The following STAU2 variants were observed in gnomAD, a reference collection of about 807,000 sequenced individuals.
STAU2 encodes the protein double-stranded RNA-binding protein Staufen homolog 2.
A neutral mutation model predicts 65.9 loss-of-function variants in STAU2; 20 were observed. That is an observed-to-expected ratio of 0.30 (90% CI 0.21 to 0.44). STAU2 has a LOEUF of 0.44. STAU2 is among the 20% of genes least tolerant of loss of function. The probability of loss-of-function intolerance (pLI) is 1.00; values close to 1 mark genes in which losing one functional copy is unlikely to be tolerated. For synonymous variants in STAU2, 232 were observed against 233.9 expected (o/e 0.99, Z 0.07); for missense variants, 558 against 683.9 (o/e 0.82, Z 2.05).
intron 13 of STAU2, among the ~76,000 whole-genome samples, chr8:73,501,186 A>C (rs1395877828): frequency 6.6e-6 from 1 of 151,730 alleles, no homozygotes; most frequent in Non-Finnish European, 1.5e-5. Context: ...TTCCTACTTA[A>C]AAAAAAACTG....
intron 13 of STAU2, among the ~76,000 whole-genome samples, chr8:73,469,718 TGGC>T (rs1819872500): frequency 6.6e-6 from 1 of 152,046 alleles, no homozygotes; most frequent in Non-Finnish European, 1.5e-5. Context: ...GATTAACAAG[TGGC>T]TGCTACTGGA....
chr8:73,501,462 T>C (rs1348311674), intron 13 of STAU2, among the ~76,000 whole-genome samples: 1 of 151,966 alleles, frequency 6.6e-6, no homozygotes, highest in Non-Finnish European at 1.5e-5. Flanking sequence ...TTATACACCC[T>C]ATATACACAC....
At chr8:73,577,443 A>G (rs1292384351) in intron 12 of STAU2, among the ~76,000 whole-genome samples, 1 of 147,244 alleles carries the variant, frequency 6.8e-6, no homozygotes. Flanking sequence ...AAAAAAAATT[A>G]TATATATATA....
chr8:73,523,083 C>T (rs7012930), intron 13 of STAU2, among the ~76,000 whole-genome samples: 66,883 of 151,230 alleles, frequency 0.44, 14,971 homozygotes, highest in East Asian at 0.55. Context: ...GTAATCCCAG[C>T]TACTCAGGAG....
Position 73,738,178 on chromosome 8 carries a change from G to T in STAU2, c.-18+106C>A. ...ACAGTAGGTAACTGCTTTAAAAAGT[G>T]ATGAGTCAGGTTACAGTTATAGAAA... On this transcript the variant is annotated intron_variant, in intron 3 of 14. Coordinates refer to ENST00000524300, the MANE Select transcript of STAU2 (RefSeq NM_001164380.2). 6.0e-6 allele frequency: 6 copies of T among 1,004,938 alleles called. No homozygotes were observed. In the South Asian group the frequency reaches 8.1e-5, roughly 14 times the overall value. 62.3% of individuals were successfully genotyped at this position (1,004,938 alleles called of 1,614,324 possible).
At chr8:73,656,948 A>C (rs1816421627) in intron 6 of STAU2, among the ~76,000 whole-genome samples, 1 of 152,252 alleles carries the variant, frequency 6.6e-6, no homozygotes, top group Admixed American at 6.5e-5. Flanking sequence ...TATCAGACAA[A>C]GCAGAGTTCA....
chr8:73,668,794 GT>G (rs1247535656), intron 6 of STAU2, among the ~76,000 whole-genome samples: 1 of 152,010 alleles, frequency 6.6e-6, no homozygotes, highest in Non-Finnish European at 1.5e-5. Flanking sequence ...ATGGATAAAT[GT>G]TTTTTTCTCC....
At chr8:73,528,135 A>C (rs189256737) in intron 13 of STAU2, among the ~76,000 whole-genome samples, 1 of 152,284 alleles carries the variant, frequency 6.6e-6, no homozygotes, top group East Asian at 1.9e-4. Flanking sequence ...CGTAAGTCAA[A>C]GTTCATCTGA....
intron 5 of STAU2, among the ~76,000 whole-genome samples, chr8:73,685,777 T>C (rs1818761997): frequency 6.6e-6 from 1 of 152,184 alleles, no homozygotes; most frequent in Non-Finnish European, 1.5e-5. Context: ...AGAACTACCA[T>C]TTGATCCAGC....
chr8:73,434,781 C>T (rs932296187), intron 13 of STAU2, among the ~76,000 whole-genome samples: 1 of 151,700 alleles, frequency 6.6e-6, no homozygotes, highest in Non-Finnish European at 1.5e-5. Flanking sequence ...AATTTAAGTT[C>T]AATTTCCTTT....
intron 1 of STAU2, among the ~76,000 whole-genome samples, chr8:73,745,860 G>A (rs1424782650): frequency 1.3e-5 from 2 of 151,914 alleles, no homozygotes; most frequent in Admixed American, 1.3e-4. Context: ...AGAATCCCAC[G>A]GCCATTACCC....
rs575231707 is a variant in STAU2 at position 73,495,214 on chromosome 8, T to A, written c.1530+56798A>T. Among the ~76,000 whole-genome samples the A allele has an allele frequency of 3.3e-5, 5 of 151,704 alleles. No individual in the cohort carries two copies. In the South Asian group the frequency reaches 1.0e-3, roughly 31 times the overall value. ...AATATCATGTAAGGAAACTGATATA[T>A]TCAAATTAGAAGTGAGTTGGTCTCT... On this transcript the variant is annotated intron_variant, in intron 13 of 14. Coordinates refer to ENST00000524300, the MANE Select transcript of STAU2 (RefSeq NM_001164380.2).
intron 5 of STAU2, among the ~76,000 whole-genome samples, chr8:73,679,978 A>ATTTTT (rs1160379353): frequency 1.2e-5 from 1 of 81,392 alleles, no homozygotes; most frequent in African/African-American, 4.8e-5. Flanking sequence ...TAGGGAAGCC[A>ATTTTT]TTTTTTTTTT....
intron 4 of STAU2, among the ~76,000 whole-genome samples, chr8:73,697,605 A>C (rs563406638): frequency 6.6e-6 from 1 of 152,232 alleles, no homozygotes; most frequent in Non-Finnish European, 1.5e-5. Flanking sequence ...ACCAATCAAA[A>C]ATAATAGCTA....
At chr8:73,436,977 A>C (rs1817750176) in intron 13 of STAU2, among the ~76,000 whole-genome samples, 1 of 152,186 alleles carries the variant, frequency 6.6e-6, no homozygotes, top group African/African-American at 2.4e-5. Context: ...TGCCATTAAC[A>C]CACCTAACAA....
At chr8:73,510,042 C>A (rs974822952) in intron 13 of STAU2, among the ~76,000 whole-genome samples, 5 of 152,034 alleles carry the variant, frequency 3.3e-5, no homozygotes, top group Non-Finnish European at 5.9e-5. Flanking sequence ...ATGCATAAAT[C>A]TTTAATTGGA....
At chr8:73,530,412 C>CACAAAGGA (rs926867131) in intron 13 of STAU2, among the ~76,000 whole-genome samples, 3 of 152,112 alleles carry the variant, frequency 2.0e-5, no homozygotes, top group African/African-American at 7.2e-5. Context: ...ACAAAGAACA[C>CACAAAGGA]ACAAAGGAAC....
intron 6 of STAU2, among the ~76,000 whole-genome samples, chr8:73,618,773 G>A (rs1363865096): frequency 1.3e-5 from 2 of 152,236 alleles, no homozygotes; most frequent in Non-Finnish European, 2.9e-5. Context: ...CTAGGGTGTA[G>A]CAATGGAAGT....
intron 5 of STAU2, among the ~76,000 whole-genome samples, chr8:73,681,664 C>G (rs1316673520): frequency 6.6e-6 from 1 of 152,110 alleles, no homozygotes; most frequent in African/African-American, 2.4e-5. Flanking sequence ...AAATGCTCCA[C>G]TTAAAAGATA....
Sources: gnomAD v4.1 joint callset for allele counts (sites outside exome capture counted in the v4.1 genomes callset) on GRCh38, gnomAD v4.1.1 for gene constraint, MANE v1.5 for transcripts, NCBI Gene and HGNC (gene_info 2026-07-23, HGNC 2026-07-21) for gene names.